The following BRIP1 variants were observed in gnomAD, a reference collection of about 807,000 sequenced individuals.
BRIP1 encodes the protein BRCA1 interacting DNA helicase 1.
BRIP1 carries 88 observed loss-of-function variants against 119.7 expected under a neutral mutation model. The ratio of observed to expected loss-of-function variants is 0.74; its 90% CI spans 0.62 to 0.88. The LOEUF (loss-of-function observed/expected upper bound fraction) is 0.88, where lower values mean the gene tolerates loss of function less well. Among genes scored for constraint, BRIP1 ranks in the 40% least tolerant of loss-of-function variants. The pLI, the probability that BRIP1 is intolerant of heterozygous loss-of-function variation, is 0.00. For missense variants in BRIP1, 1,259 were observed against 1,455.4 expected (o/e 0.87, Z 2.20); for synonymous variants, 443 against 496.5 (o/e 0.89, Z 1.43).
chr17:61,836,565 T>G (rs1012862886), intron 6 of BRIP1, among the ~76,000 whole-genome samples: 1 of 152,190 alleles, frequency 6.6e-6, no homozygotes, highest in African/African-American at 2.4e-5. Flanking sequence ...TTTTCATTCA[T>G]TTATTCAACA....
Position 61,742,915 on chromosome 17 carries a change from TA to T in BRIP1, c.2379+97del. ...ACCTTCAATTTGTAAAAAAGCACTA[TA>T]AAAGCAAAGCGCAATAAAATGAGGG... On this transcript the variant is annotated intron_variant, in intron 16 of 19. Coordinates refer to ENST00000259008, the MANE Select transcript of BRIP1 (RefSeq NM_032043.3). This position sits in a 1 kb window ranked among gnomAD's most constrained non-coding sequence, Gnocchi z 4.7. 6.7e-7 allele frequency: 1 copy of T among 1,495,984 alleles called. No individual in the cohort carries two copies. The highest frequency in any genetic ancestry group is 9.3e-7 in the Non-Finnish European group (1 of 1,077,574). The allele number at this position is 1,495,984 out of a possible 1,614,324, so 92.7% of individuals were successfully genotyped here.
chr17:61,857,262 T>C lies in BRIP1; in HGVS notation c.206-31A>G, dbSNP rs1022677965. ...AATGAAAGAACATCTATTTATAATATATCTAATTAAATAAACATCAATCAT... is the reference window on the plus strand; with the variant it reads ...AATGAAAGAACATCTATTTATAATACATCTAATTAAATAAACATCAATCAT... On this transcript the variant is annotated intron_variant, in intron 3 of 19. Coordinates refer to ENST00000259008, the MANE Select transcript of BRIP1 (RefSeq NM_032043.3). This position sits in a 1 kb window ranked among gnomAD's most constrained non-coding sequence, Gnocchi z 5.1. 5.2e-6 allele frequency: 8 copies of C among 1,547,186 alleles called. No homozygotes were observed. Among genetic ancestry groups the C allele is most frequent in the African/African-American group, 4.2e-5 (3 of 72,078 alleles).
intron 17 of BRIP1, among the ~76,000 whole-genome samples, chr17:61,697,288 GATCATGC>G (rs1343879876): frequency 4.2e-5 from 5 of 120,234 alleles, no homozygotes; most frequent in Non-Finnish European, 8.0e-5. Context: ...AGTGAGCCGA[GATCATGC>G]CATTGCACTC....
chr17:61,803,726 A>G lies in BRIP1; in HGVS notation c.919-2252T>C, dbSNP rs1282150464. Among the ~76,000 whole-genome samples, 1 of 152,178 alleles carries G rather than the reference A, an allele frequency of 6.6e-6. No individual in the cohort carries two copies. The highest frequency in any genetic ancestry group is 1.5e-5 in the Non-Finnish European group (1 of 68,012). On this transcript the variant is annotated intron_variant, in intron 7 of 19. Coordinates refer to ENST00000259008, the MANE Select transcript of BRIP1 (RefSeq NM_032043.3). The surrounding 1 kb of genome is among the most constrained non-coding windows in gnomAD (Gnocchi z 4.3). The stretch of plus-strand genomic sequence containing the variant: ...ACTATTAAAAATGTACAAAATTAGA[A>G]AAGTATATATATTTTTAGTAGAAGT...
At chr17:61,840,460 T>C (rs1387973827) in intron 6 of BRIP1, among the ~76,000 whole-genome samples, 1 of 151,168 alleles carries the variant, frequency 6.6e-6, no homozygotes, top group Non-Finnish European at 1.5e-5. Flanking sequence ...ACATTAATAA[T>C]AGCTTTCAGC....
chr17:61,789,216 A>G lies in BRIP1; in HGVS notation c.1473+4381T>C, dbSNP rs1212820260. Among the ~76,000 whole-genome samples the G allele has an allele frequency of 2.0e-5, 3 of 152,164 alleles. No homozygotes were observed. The highest frequency in any genetic ancestry group is 7.2e-5 in the African/African-American group (3 of 41,520). ...CAGAAATCCAAGGTTACAGTGAGCT[A>G]TGAATGCACCATTGCACTTCATTCC... On this transcript the variant is annotated intron_variant, in intron 10 of 19. Coordinates refer to ENST00000259008, the MANE Select transcript of BRIP1 (RefSeq NM_032043.3). This position sits in a 1 kb window ranked among gnomAD's most constrained non-coding sequence, Gnocchi z 4.8.
chr17:61,802,156 C>A lies in BRIP1; in HGVS notation c.919-682G>T, dbSNP rs911453727. ...ACATGTGTATATAAGGATATCTCTA[C>A]AATGTGACCCAATATTAAAATAACA... On this transcript the variant is annotated intron_variant, in intron 7 of 19. Transcript: ENST00000259008. The surrounding 1 kb of genome is among the most constrained non-coding windows in gnomAD (Gnocchi z 6.0). 6.6e-6 allele frequency among the ~76,000 whole-genome samples: 1 copy of A among 152,124 alleles called. No individual in the cohort carries two copies. Among genetic ancestry groups the A allele is most frequent in the African/African-American group, 2.4e-5 (1 of 41,416 alleles).
At chr17:61,801,833 G>A (rs892976686) in intron 7 of BRIP1, among the ~76,000 whole-genome samples, 2 of 152,096 alleles carry the variant, frequency 1.3e-5, no homozygotes, top group African/African-American at 4.8e-5. Flanking sequence ...GGTATCACTG[G>A]TTGCTTCCAA....
In BRIP1 at chr17:61,680,609, A is replaced by G. The variant is rs956798785; in HGVS notation, c.*2687T>C. Among the ~76,000 whole-genome samples the G allele has an allele frequency of 6.7e-6, 1 of 149,786 alleles. No homozygotes were observed. Among genetic ancestry groups the G allele is most frequent in the Non-Finnish European group, 1.5e-5 (1 of 67,728 alleles). On this transcript the variant is annotated 3_prime_UTR_variant, in exon 20 of 20. Transcript: ENST00000259008. ...ATTCTCCTGCCTCAGCCTCCTGAGT[A>G]GCTGGGACTACAGGCGCCCGCCACC... is the stretch of plus-strand genomic sequence containing the variant.
intron 14 of BRIP1, among the ~76,000 whole-genome samples, chr17:61,765,388 TATATATATATA>T (rs1567798750): frequency 1.7e-4 from 3 of 17,444 alleles, no homozygotes; most frequent in African/African-American, 6.2e-4. Context: ...ATTATATATA[TATATATATATA>T]TATATATATA....
intron 17 of BRIP1, among the ~76,000 whole-genome samples, chr17:61,698,774 G>A (rs2061565945): frequency 6.6e-6 from 1 of 151,742 alleles, no homozygotes; most frequent in Non-Finnish European, 1.5e-5. Flanking sequence ...GAGTGAAGTA[G>A]TGAGGTCATG....
rs527361664 is a variant in BRIP1, at chr17:61,754,533, T to C, written c.2098-9942A>G. ...GCTTTAGTTTTCTACATAGCACTTATCACCATCTGTATTAGTCCCCTCAGG... is the reference window on the plus strand; with the variant it reads ...GCTTTAGTTTTCTACATAGCACTTACCACCATCTGTATTAGTCCCCTCAGG... On this transcript the variant is annotated intron_variant, in intron 14 of 19. Transcript: ENST00000259008. This position sits in a 1 kb window ranked among gnomAD's most constrained non-coding sequence, Gnocchi z 4.1. Among the ~76,000 whole-genome samples the C allele has an allele frequency of 3.3e-5, 5 of 152,264 alleles. No individual in the cohort carries two copies. The South Asian group carries it at 6.2e-4, about 19-fold the overall frequency.
rs954446119 is a variant in BRIP1 at position 61,860,464 on chromosome 17, A to G, written c.94-557T>C. On this transcript the variant is annotated intron_variant, in intron 2 of 19. Coordinates refer to ENST00000259008, the MANE Select transcript of BRIP1 (RefSeq NM_032043.3). This position sits in a 1 kb window ranked among gnomAD's most constrained non-coding sequence, Gnocchi z 4.1. ...CATTTGAGGTCAGGAGTTCGAGACCAGCCTGGCCAACACGGTGAAAACCCG... is the reference window on the plus strand; with the variant it reads ...CATTTGAGGTCAGGAGTTCGAGACCGGCCTGGCCAACACGGTGAAAACCCG... 2.0e-5 allele frequency among the ~76,000 whole-genome samples: 3 copies of G among 152,186 alleles called. No homozygotes were observed.
Position 61,710,187 on chromosome 17 carries a change from AG to A in BRIP1, c.2492+5763del, listed in dbSNP as rs1290305373. ...TTAAAAAAATTAATAAAATTCTAAA[AG>A]TACAGTATTATATATCAATACTATA... On this transcript the variant is annotated intron_variant, in intron 17 of 19. Transcript: ENST00000259008. This position sits in a 1 kb window ranked among gnomAD's most constrained non-coding sequence, Gnocchi z 5.4. Among the ~76,000 whole-genome samples, 1 of 152,184 alleles carries A rather than the reference AG, an allele frequency of 6.6e-6. No homozygotes were observed. The highest frequency in any genetic ancestry group is 2.1e-4 in the South Asian group (1 of 4,832).
chr17:61,793,641 A>C lies in BRIP1; in HGVS notation c.1429T>G (p.Leu477Val), dbSNP rs1389470069. The C allele has an allele frequency of 6.2e-7, 1 of 1,608,994 alleles. No homozygotes were observed. The highest frequency in any genetic ancestry group is 8.5e-7 in the Non-Finnish European group (1 of 1,177,366). The change falls in exon 10 of 20, where the codon TTA becomes GTA. Residue 477 changes from leucine to valine, a missense_variant. By Grantham distance (32) the Leu-to-Val change is conservative (BLOSUM62 1). This residue lies in a region of BRIP1 where 5 missense variants were observed against 19.6 expected (regional missense o/e 0.26). Coordinates refer to ENST00000259008, the MANE Select transcript of BRIP1 (RefSeq NM_032043.3). The surrounding 1 kb of genome is among the most constrained non-coding windows in gnomAD (Gnocchi z 5.2). ...IWSGNEMLLT[L>V]HKMGITTATF... The stretch of plus-strand genomic sequence containing the variant: ...GCAGTGGTGATACCCATTTTGTGTA[A>C]AGTTAAGAGCATTTCATTTCCACTC...
Position 61,754,615 on chromosome 17 carries a change from A to G in BRIP1, c.2098-10024T>C, listed in dbSNP as rs1313312465. On this transcript the variant is annotated intron_variant, in intron 14 of 19. Coordinates refer to ENST00000259008, the MANE Select transcript of BRIP1 (RefSeq NM_032043.3). The surrounding 1 kb of genome is among the most constrained non-coding windows in gnomAD (Gnocchi z 4.1). The stretch of plus-strand genomic sequence containing the variant: ...TAAACAAAAGAAATTTATTTCTTAC[A>G]GTTATTAGTTTAAGCCACAGATTGA... Among the ~76,000 whole-genome samples, 4 of 152,186 alleles carry G rather than the reference A, an allele frequency of 2.6e-5. No individual in the cohort carries two copies. Among genetic ancestry groups the G allele is most frequent in the African/African-American group, 9.7e-5 (4 of 41,436 alleles).
Position 61,780,355 on chromosome 17 carries a change from G to A in BRIP1, c.1841C>T (p.Ser614Phe), listed in dbSNP as rs2145079467. The A allele has an allele frequency of 6.2e-7, 1 of 1,610,512 alleles. No individual in the cohort carries two copies. Residue 614 changes from serine (S) to phenylalanine (F), a missense_variant, in exon 13 of 20, where the codon TCT becomes TTT. Ser to Phe is a radical substitution (Grantham distance 155, BLOSUM62 -2). Transcript: ENST00000259008. This position sits in a 1 kb window ranked among gnomAD's most constrained non-coding sequence, Gnocchi z 5.4. Reference sequence around the variant, plus strand: ...GGATTTCATTGGTGATAATGTACCAGATGTCAAAACAATGGTCTGAACTTT... The same window carrying A: ...GGATTTCATTGGTGATAATGTACCAAATGTCAAAACAATGGTCTGAACTTT... Reference protein sequence around the residue: ...NGKVQTIVLTSGTLSPMKSFS... With the variant: ...NGKVQTIVLTFGTLSPMKSFS...
In BRIP1 at chr17:61,819,144, C is replaced by T. The variant is rs988421911; in HGVS notation, c.628-10387G>A. 3.3e-5 allele frequency among the ~76,000 whole-genome samples: 5 copies of T among 150,254 alleles called. No individual in the cohort carries two copies. The South Asian group carries it at 6.3e-4, about 19-fold the overall frequency. ...GAAGTTGCAGCGAGCCGAGATCATG[C>T]CACTGCACTCCAGCCTGGGCAACAG... On this transcript the variant is annotated intron_variant, in intron 6 of 19. Transcript: ENST00000259008.
rs2077416714 is a variant in BRIP1, at chr17:61,769,446, G to A, written c.2097+6955C>T. Among the ~76,000 whole-genome samples, 1 of 152,070 alleles carries A rather than the reference G, an allele frequency of 6.6e-6. No homozygotes were observed. Among genetic ancestry groups the A allele is most frequent in the Admixed American group, 6.6e-5 (1 of 15,262 alleles). On this transcript the variant is annotated intron_variant, in intron 14 of 19. Transcript: ENST00000259008. This position sits in a 1 kb window ranked among gnomAD's most constrained non-coding sequence, Gnocchi z 4.9. ...TCAAACCCCTCTGAAATGAAAACTAGATGGCATAATATTAATACATTTAAT... is the reference window on the plus strand; with the variant it reads ...TCAAACCCCTCTGAAATGAAAACTAAATGGCATAATATTAATACATTTAAT...
Sources: allele counts gnomAD v4.1 joint callset (sites outside exome capture counted in the v4.1 genomes callset), GRCh38; gene constraint gnomAD v4.1.1; regional missense constraint gnomAD v4.1.1; non-coding constraint Gnocchi (gnomAD v3.1); transcripts MANE v1.5; gene names NCBI Gene and HGNC (gene_info 2026-07-23, HGNC 2026-07-21).